The following WWP1 variants were observed in gnomAD, a reference collection of about 807,000 sequenced individuals.
WWP1 encodes WW domain containing E3 ubiquitin protein ligase 1.
In WWP1, 49 loss-of-function variants were observed where a neutral mutation model predicts 130.6. The observed-to-expected ratio is 0.38, with a 90% CI of 0.30 to 0.48. The LOEUF is 0.48. Ranked by LOEUF, WWP1 falls within the 20% of genes least tolerant of loss-of-function variation. WWP1 has a pLI of 0.99. For missense variants in WWP1, 809 were observed against 1,100.6 expected (o/e 0.74, Z 3.75); for synonymous variants, 332 against 367.8 (o/e 0.90, Z 1.11).
intron 1 of WWP1, among the ~76,000 whole-genome samples, chr8:86,360,609 A>G (rs1029415292): frequency 6.6e-5 from 10 of 152,154 alleles, no homozygotes; most frequent in African/African-American, 1.9e-4. Context: ...CCTCCAGAAT[A>G]TATCTCTTTG....
In WWP1 at chr8:86,398,453, T is replaced by C. The variant is rs756657544; in HGVS notation, c.446T>C (p.Ile149Thr). The change falls in exon 6 of 25, where the codon ATA becomes ACA. Residue 149 changes from isoleucine (I) to threonine (T), a missense_variant. Ile to Thr is a moderately conservative substitution (Grantham distance 89). Around this residue, in one of 3 missense-constraint regions of WWP1, gnomAD observed 262 missense variants for 346.0 expected, o/e 0.76. Coordinates refer to ENST00000517970, the MANE Select transcript of WWP1 (RefSeq NM_007013.4). ...LDGLVIEQEN[I>T]TNCSSSPTIE... ...GGATTGGTGATTGAGCAAGAAAATATAACAAACTGCAGCTCATCTCCAACC... is the reference window on the plus strand; with the variant it reads ...GGATTGGTGATTGAGCAAGAAAATACAACAAACTGCAGCTCATCTCCAACC... 1.5e-5 allele frequency: 24 copies of C among 1,612,754 alleles called. No individual in the cohort carries two copies. The East Asian group carries it at 3.1e-4, about 21-fold the overall frequency.
At chr8:86,435,431 T>C in intron 14 of WWP1, 21 bp from the exon 15 acceptor site, 1 of 1,612,790 alleles carries the variant, frequency 6.2e-7, no homozygotes, top group Non-Finnish European at 8.5e-7. Context: ...GTTAATTTGG[T>C]TTATTTTTGT....
intron 1 of WWP1, among the ~76,000 whole-genome samples, chr8:86,367,641 G>C (rs1824045355): frequency 6.6e-6 from 1 of 152,122 alleles, no homozygotes; most frequent in Non-Finnish European, 1.5e-5. Context: ...AGATATTACT[G>C]ACCATACCCT....
intron 1 of WWP1, among the ~76,000 whole-genome samples, chr8:86,364,202 A>T (rs188354535): frequency 7.9e-5 from 12 of 152,358 alleles, no homozygotes; most frequent in African/African-American, 2.6e-4. Context: ...GAATTTCTGT[A>T]AATAAAGTGA....
At position 86,436,650 on chromosome 8, in the gene WWP1, C is replaced by T. The variant is rs1438785591; in HGVS notation, c.1749+946C>T. Among the ~76,000 whole-genome samples the T allele has an allele frequency of 4.6e-5, 7 of 152,246 alleles. No homozygotes were observed. In the South Asian group the frequency reaches 1.2e-3, roughly 27 times the overall value. ...TATTTGATGAACAAATAAATGAATG[C>T]AGTATTTCTTCCTTTCATGAGTCAT... On this transcript the variant is annotated intron_variant, in intron 16 of 24. Transcript: ENST00000517970.
At position 86,468,217 on chromosome 8, in the gene WWP1, C is replaced by A; in HGVS notation, c.*1324C>A. On this transcript the variant is annotated 3_prime_UTR_variant, in exon 25 of 25. Coordinates refer to ENST00000517970, the MANE Select transcript of WWP1 (RefSeq NM_007013.4). ...AGCCATGGAACTGACTTCTTAAAAT[C>A]TGTTGCCTATAAATATTTCACTGCT... 3.6e-6 allele frequency: 1 copy of A among 274,580 alleles called. No homozygotes were observed. Among genetic ancestry groups the A allele is most frequent in the Non-Finnish European group, 7.1e-6 (1 of 140,618 alleles). 17.0% of individuals were successfully genotyped at this position (274,580 alleles called of 1,614,324 possible).
intron 9 of WWP1, among the ~76,000 whole-genome samples, chr8:86,419,734 A>G (rs1008618577): frequency 6.7e-6 from 1 of 148,656 alleles, no homozygotes; most frequent in Admixed American, 6.8e-5. Flanking sequence ...GAAAAGACTC[A>G]CTAAAAATCC....
intron 1 of WWP1, among the ~76,000 whole-genome samples, chr8:86,357,555 C>A (rs58223572): frequency 0.054 from 8,270 of 152,216 alleles, 384 homozygotes; most frequent in African/African-American, 0.12. Flanking sequence ...TTAAACACTT[C>A]CAGTATGCCA....
At chr8:86,449,440 G>A (rs981659933) in intron 20 of WWP1, among the ~76,000 whole-genome samples, 2 of 152,190 alleles carry the variant, frequency 1.3e-5, no homozygotes, top group African/African-American at 4.8e-5. Context: ...ATGTGTGGCT[G>A]TGTTCCAGTA....
intron 9 of WWP1, among the ~76,000 whole-genome samples, chr8:86,421,551 A>G (rs1809206415): frequency 6.6e-6 from 1 of 152,240 alleles, no homozygotes; most frequent in South Asian, 2.1e-4. Flanking sequence ...TAGGCCGGGC[A>G]TGGTGGCTCA....
rs75930831 is a variant in WWP1 at position 86,419,947 on chromosome 8, G to A, written c.1062-5276G>A. 9.2e-5 allele frequency among the ~76,000 whole-genome samples: 14 copies of A among 152,306 alleles called. No individual in the cohort carries two copies. The East Asian group carries it at 2.7e-3, about 29-fold the overall frequency. ...TGGGTCCATGCCTTAAATGCTGAAG[G>A]AAATTATGCCCAACATATAATTCTG... is the stretch of plus-strand genomic sequence containing the variant. On this transcript the variant is annotated intron_variant, in intron 9 of 24. Transcript: ENST00000517970.
At chr8:86,459,037 T>TC (rs1811617116) in intron 22 of WWP1, among the ~76,000 whole-genome samples, 2 of 124,656 alleles carry the variant, frequency 1.6e-5, no homozygotes, top group African/African-American at 2.8e-5. Context: ...TTTTTTTTTT[T>TC]TTTTTTTTTT....
intron 14 of WWP1, among the ~76,000 whole-genome samples, chr8:86,433,500 G>A (rs1365872971): frequency 6.6e-6 from 1 of 151,264 alleles, no homozygotes; most frequent in Non-Finnish European, 1.5e-5. Context: ...GATCACTTGA[G>A]CCCAGGAGTT....
chr8:86,347,425 T>G (rs1822650243), intron 1 of WWP1, among the ~76,000 whole-genome samples: 1 of 152,250 alleles, frequency 6.6e-6, no homozygotes, highest in African/African-American at 2.4e-5. Flanking sequence ...CAGTATTCTT[T>G]TCCCACCAGA....
intron 5 of WWP1, among the ~76,000 whole-genome samples, chr8:86,395,143 A>G (rs1402912997): frequency 6.6e-6 from 1 of 152,164 alleles, no homozygotes; most frequent in Non-Finnish European, 1.5e-5. Context: ...AGGACGTATC[A>G]TCAAACCACT....
chr8:86,421,888 T>C (rs1256657058), intron 9 of WWP1, among the ~76,000 whole-genome samples: 1 of 152,116 alleles, frequency 6.6e-6, no homozygotes, highest in Non-Finnish European at 1.5e-5. Context: ...GAAAAGCTAT[T>C]TGATCCTCTC....
At chr8:86,388,257 G>GT (rs200843439) in intron 5 of WWP1, among the ~76,000 whole-genome samples, 8,610 of 142,488 alleles carry the variant, frequency 0.06, 325 homozygotes, top group Non-Finnish European at 0.09. Context: ...CAGGTTGTCT[G>GT]TTTTTTTTTT....
chr8:86,419,663 T>A (rs1343640860), intron 9 of WWP1, among the ~76,000 whole-genome samples: 2 of 152,112 alleles, frequency 1.3e-5, no homozygotes, highest in African/African-American at 4.8e-5. Flanking sequence ...TGGGAGGAAG[T>A]CCTTAACAAA....
chr8:86,388,883 C>G (rs1825441849), intron 5 of WWP1, among the ~76,000 whole-genome samples: 1 of 151,922 alleles, frequency 6.6e-6, no homozygotes, highest in Non-Finnish European at 1.5e-5. Context: ...ATTTTATATT[C>G]CCATTTGCTA....
Sources: gnomAD v4.1 joint callset for allele counts (sites outside exome capture counted in the v4.1 genomes callset) on GRCh38, gnomAD v4.1.1 for gene constraint, gnomAD v4.1.1 regional missense constraint, MANE v1.5 for transcripts, NCBI Gene and HGNC (gene_info 2026-07-23, HGNC 2026-07-21) for gene names.